MYCBPAP: variants seen among roughly 807,000 people sequenced by gnomAD.
The protein encoded by MYCBPAP is MYCBP associated protein, also known as MYCBP-associated protein.
A neutral mutation model predicts 106.1 loss-of-function variants in MYCBPAP; 60 were observed. That is an observed-to-expected ratio of 0.57 (90% CI 0.46 to 0.70). MYCBPAP has a LOEUF of 0.70. Among genes scored for constraint, MYCBPAP ranks in the 30% least tolerant of loss-of-function variants. The pLI is 0.00. For missense variants in MYCBPAP, 1,064 were observed against 1,169.3 expected (o/e 0.91, Z 1.31); for synonymous variants, 407 against 440.6 (o/e 0.92, Z 0.95).
chr17:50,520,038 G>C (rs1022413573), intron 7 of MYCBPAP: 1 of 413,220 alleles, frequency 2.4e-6, no homozygotes, highest in Non-Finnish European at 4.3e-6. Flanking sequence ...GGAGCCTTGA[G>C]CCACATGCCG....
At chr17:50,511,679 T>A (rs572650897) in intron 1 of MYCBPAP, among the ~76,000 whole-genome samples, 1 of 152,276 alleles carries the variant, frequency 6.6e-6, no homozygotes, top group African/African-American at 2.4e-5. Context: ...CCCCTCACTG[T>A]CAGCATCAAG....
chr17:50,523,737 G>C lies in MYCBPAP; in HGVS notation c.1588G>C (p.Val530Leu). The part of the protein sequence containing the change: ...GAILQVNLHA[V>L]SLTQDVFEDE... The stretch of plus-strand genomic sequence containing the variant: ...TATACTGCAGGTCAATCTCCACGCG[G>C]TCTCCCTGACCCAGGACGTTTTTGA... Residue 530 changes from valine (V) to leucine (L), a missense_variant, in exon 12 of 19, where the codon GTC becomes CTC. Coordinates refer to ENST00000323776, the MANE Select transcript of MYCBPAP (RefSeq NM_032133.6). 1 of 1,614,186 alleles carries C rather than the reference G, an allele frequency of 6.2e-7. No homozygotes were observed. The highest frequency in any genetic ancestry group is 1.7e-5 in the Admixed American group (1 of 60,018).
intron 17 of MYCBPAP, 73 bp from the exon 18 acceptor site, chr17:50,528,945 A>T (rs2034548169): frequency 1.3e-6 from 2 of 1,597,170 alleles, no homozygotes; most frequent in South Asian, 2.3e-5. Context: ...TCTCCCAGTG[A>T]GCTACTGTTG....
intron 10 of MYCBPAP, 196 bp downstream of exon 10, chr17:50,522,277 C>T: frequency 2.0e-6 from 1 of 504,316 alleles, no homozygotes; most frequent in South Asian, 2.3e-5. Flanking sequence ...GTGTCATAAG[C>T]CACTTGGGGC....
In MYCBPAP at chr17:50,528,831, C is replaced by A. The variant is rs781251282; in HGVS notation, c.2544C>A (p.Leu848=). 1.9e-6 allele frequency: 3 copies of A among 1,609,264 alleles called. No individual in the cohort carries two copies. The highest frequency in any genetic ancestry group is 1.7e-6 in the Non-Finnish European group (2 of 1,178,290). Reference sequence around the variant, plus strand: ...AAGACAAGAAAGGAGCCAAGCTGCTCGGGAAAGAGGCATGCTGGGGCGTGG... The same window carrying A: ...AAGACAAGAAAGGAGCCAAGCTGCTAGGGAAAGAGGCATGCTGGGGCGTGG... ...DKEDKKGAKL[L]GKEDRPNSKK... is the part of the protein sequence containing the mutation. Residue 848 remains leucine (L), a synonymous_variant, in exon 17 of 19, where the codon CTC becomes CTA. Transcript: ENST00000323776.
At chr17:50,522,709 A>AAAAAAATATATATATAT in intron 10 of MYCBPAP, 7 of 50,038 alleles carry the variant, frequency 1.4e-4, no homozygotes, top group African/African-American at 6.0e-4. Flanking sequence ...AAAAAAAAAA[A>AAAAAAATATATATATAT]ATATATATAT....
At chr17:50,524,711 C>CGTGTGTGTGTGT (rs1555621272) in intron 12 of MYCBPAP, among the ~76,000 whole-genome samples, 166 bp from the exon 13 acceptor site, 183 of 138,896 alleles carry the variant, frequency 1.3e-3, no homozygotes, top group African/African-American at 4.2e-3. Context: ...TTAGAACAGG[C>CGTGTGTGTGTGT]GTGTGTGTGT....
At chr17:50,529,617 G>C in intron 18 of MYCBPAP, 1 of 404,644 alleles carries the variant, frequency 2.5e-6, no homozygotes, top group South Asian at 1.7e-5. Flanking sequence ...GGGATTTTTC[G>C]GAGTGAAATG....
chr17:50,524,502 T>G (rs2034385208), intron 12 of MYCBPAP, among the ~76,000 whole-genome samples: 1 of 152,162 alleles, frequency 6.6e-6, no homozygotes, highest in Admixed American at 6.6e-5. Flanking sequence ...CACTGAAGCC[T>G]GATGAAGGTT....
chr17:50,520,113 G>T, intron 7 of MYCBPAP: 1 of 253,412 alleles, frequency 3.9e-6, no homozygotes, highest in Non-Finnish European at 7.5e-6. Flanking sequence ...ACTGGACACT[G>T]GCTTTAGTGT....
intron 1 of MYCBPAP, among the ~76,000 whole-genome samples, chr17:50,515,160 C>T (rs551749613): frequency 2.0e-5 from 3 of 152,122 alleles, no homozygotes; most frequent in African/African-American, 4.8e-5. Flanking sequence ...CTTTCTCCAG[C>T]TTCTTCAGCT....
Position 50,518,691 on chromosome 17 carries a change from GCC to G in MYCBPAP, c.621_622del (p.Leu208AlafsTer18), listed in dbSNP as rs1273242105. 1 of 1,598,146 alleles carries G rather than the reference GCC, an allele frequency of 6.3e-7. No homozygotes were observed. ...NFLKNWQRNT[A>X]LRKKQQEALS... ...TCTGAAAAACTGGCAGCGTAACACAGCCCTGCGGAAGAAGCAGCAGGAAGCCC... is the reference window on the plus strand; with the variant it reads ...TCTGAAAAACTGGCAGCGTAACACAGCTGCGGAAGAAGCAGCAGGAAGCCC... On this transcript the variant is annotated frameshift_variant, in exon 5 of 19. Transcript: ENST00000323776. LOFTEE classifies it high-confidence loss of function.
At chr17:50,524,737 T>TGTGTGTGTGTGTGA (rs373928628) in intron 12 of MYCBPAP, 140 bp from the exon 13 acceptor site, 6,725 of 460,840 alleles carry the variant, frequency 0.015, 39 homozygotes, top group African/African-American at 0.022. Flanking sequence ...TGTGTGTGTG[T>TGTGTGTGTGTGTGA]GAGAGAGAGA....
Position 50,508,765 on chromosome 17 carries a change from C to T in MYCBPAP, c.76+15C>T. ...GAATGTCAAAGGTTGGCGCTGGCTG[C>T]CTTGGGCGCTCGGGAGAACCCGAGA... On this transcript the variant is annotated intron_variant, in intron 1 of 18. Coordinates refer to ENST00000323776, the MANE Select transcript of MYCBPAP (RefSeq NM_032133.6). The T allele has an allele frequency of 1.2e-6, 2 of 1,603,314 alleles. No homozygotes were observed. The highest frequency in any genetic ancestry group is 1.7e-5 in the Admixed American group (1 of 59,142).
At chr17:50,527,701 G>A (rs1449681527) in intron 15 of MYCBPAP, among the ~76,000 whole-genome samples, 2 of 152,122 alleles carry the variant, frequency 1.3e-5, no homozygotes, top group Non-Finnish European at 2.9e-5. Flanking sequence ...AGAAGACGGG[G>A]GGCAGATTCC....
chr17:50,522,349 T>G, intron 10 of MYCBPAP: 1 of 309,570 alleles, frequency 3.2e-6, no homozygotes, highest in Admixed American at 4.0e-5. Context: ...CTAAGAAGGT[T>G]CCAAAATATT....
At position 50,531,253 on chromosome 17, in the gene MYCBPAP, T is replaced by A. The variant is rs562301226; in HGVS notation, c.2725-74T>A. 35 of 861,358 alleles carry A rather than the reference T, an allele frequency of 4.1e-5. No homozygotes were observed. In the Admixed American group the frequency reaches 1.2e-3, roughly 30 times the overall value. The allele number at this position is 861,358 out of a possible 1,614,324, so 53.4% of individuals were successfully genotyped here. ...GTTTCTTTCCCCTCTCCAGCTATTC[T>A]CTCACAGCATAGTTCATATATAGGT... is the stretch of plus-strand genomic sequence containing the variant. On this transcript the variant is annotated intron_variant, in intron 18 of 18. Transcript: ENST00000323776.
At chr17:50,515,741 GAA>G (rs2034024884) in intron 1 of MYCBPAP, 1 of 152,220 alleles carries the variant, frequency 6.6e-6, no homozygotes, top group Non-Finnish European at 1.5e-5. Flanking sequence ...TCTACACATG[GAA>G]AGCCTGAGGC....
At chr17:50,508,305 C>T (rs567078791), upstream of MYCBPAP, 240 of 444,056 alleles carry the variant, frequency 5.4e-4, no homozygotes, top group African/African-American at 4.8e-3. Flanking sequence ...CCCCTACCAG[C>T]CAGCCACTCC....
Sources: allele counts gnomAD v4.1 joint callset (sites outside exome capture counted in the v4.1 genomes callset), GRCh38; gene constraint gnomAD v4.1.1; transcripts MANE v1.5; gene names NCBI Gene and HGNC (gene_info 2026-07-23, HGNC 2026-07-21).